Variants in LARGE1 observed in about 807,000 individuals in gnomAD.
The protein encoded by LARGE1 is LARGE xylosyl- and glucuronyltransferase 1, also known as xylosyl- and glucuronyltransferase LARGE1.
Under a neutral mutation model 87.6 loss-of-function variants are expected in LARGE1, and 43 were observed. The observed-to-expected ratio is 0.49, with a 90% CI of 0.38 to 0.63. The LOEUF (loss-of-function observed/expected upper bound fraction) is 0.63. LARGE1 is among the 30% of genes least tolerant of loss of function. The pLI, the probability that LARGE1 is intolerant of heterozygous loss-of-function variation, is 0.00. For synonymous variants in LARGE1, 434 were observed against 394.6 expected, an observed-to-expected ratio of 1.10 and a Z score of -1.18; for missense variants, 802 against 1,000.2, an observed-to-expected ratio of 0.80 and a Z score of 2.67.
chr22:33,887,463 G>A (rs977177720), intron 1 of LARGE1, among the ~76,000 whole-genome samples: 4 of 152,258 alleles, frequency 2.6e-5, no homozygotes, highest in East Asian at 1.9e-4. Context: ...CTGGCCAGGC[G>A]CAGTGGCTCA....
chr22:33,589,009 G>A (rs1028750232), intron 5 of LARGE1, among the ~76,000 whole-genome samples: 6 of 152,230 alleles, frequency 3.9e-5, no homozygotes, highest in African/African-American at 7.2e-5. Flanking sequence ...AGGACTGACA[G>A]GGCCTCAGGC....
intron 4 of LARGE1, among the ~76,000 whole-genome samples, chr22:33,605,813 T>C (rs965380016): frequency 2.6e-5 from 4 of 152,076 alleles, no homozygotes; most frequent in Non-Finnish European, 5.9e-5. Context: ...CGCAGTTAAA[T>C]ATAAGCACGG....
chr22:33,225,097 C>G (rs369958839), intron 11 of LARGE1, among the ~76,000 whole-genome samples: 1 of 152,224 alleles, frequency 6.6e-6, no homozygotes, highest in African/African-American at 2.4e-5. Flanking sequence ...GAGAAAGCCT[C>G]TGCTCAGCAT....
chr22:33,764,314 C>T (rs765603832), intron 1 of LARGE1, among the ~76,000 whole-genome samples: 9 of 152,156 alleles, frequency 5.9e-5, no homozygotes, highest in Non-Finnish European at 1.2e-4. Flanking sequence ...CCCTAGGGAT[C>T]TGTGAGGGCC....
intron 2 of LARGE1, among the ~76,000 whole-genome samples, chr22:33,651,389 C>CAAA (rs59002897): frequency 0.018 from 962 of 53,976 alleles, 72 homozygotes; most frequent in African/African-American, 0.062. Flanking sequence ...GACTCCGTCT[C>CAAA]AAAAAAAAAA....
intron 9 of LARGE1, among the ~76,000 whole-genome samples, chr22:33,349,918 C>A (rs1376875336): frequency 6.6e-6 from 1 of 152,148 alleles, no homozygotes; most frequent in Non-Finnish European, 1.5e-5. Context: ...AGAAAAGAGA[C>A]CCAACTCATT....
At chr22:33,378,374 A>G (rs866522771) in intron 9 of LARGE1, among the ~76,000 whole-genome samples, 11 of 152,168 alleles carry the variant, frequency 7.2e-5, no homozygotes, top group African/African-American at 2.2e-4. Flanking sequence ...GTCTTCTTCT[A>G]CACTCTGAGT....
chr22:33,550,140 T>TACACAC (rs1491548502), intron 6 of LARGE1, among the ~76,000 whole-genome samples: 6 of 96,696 alleles, frequency 6.2e-5, no homozygotes, highest in African/African-American at 1.7e-4. Context: ...GAACTTAAAG[T>TACACAC]ATACACACAC....
At position 33,826,403 on chromosome 22, in the gene LARGE1, C is replaced by T. The variant is rs937202515; in HGVS notation, c.-82-64845G>A. On this transcript the variant is annotated intron_variant, in intron 1 of 14. Transcript: ENST00000397394. ...TGTCGCACAGGCTGGAGCACAATGG[C>T]GCAATCTCGGCTCGCTGCAACCTCC... 4.7e-5 allele frequency among the ~76,000 whole-genome samples: 7 copies of T among 150,012 alleles called. 1 individual carries two copies. Among genetic ancestry groups the T allele is most frequent in the South Asian group, 4.2e-4 (2 of 4,744 alleles).
intron 11 of LARGE1, among the ~76,000 whole-genome samples, chr22:33,172,454 T>A (rs1412047162): frequency 2.0e-5 from 3 of 148,604 alleles, no homozygotes; most frequent in Non-Finnish European, 3.0e-5. Flanking sequence ...CTGCTCACTC[T>A]CTCTCTCTCT....
chr22:33,547,312 G>A (rs1046634029), intron 6 of LARGE1, among the ~76,000 whole-genome samples: 1 of 152,066 alleles, frequency 6.6e-6, no homozygotes, highest in African/African-American at 2.4e-5. Context: ...TTCATAAGGT[G>A]CATGCAACCT....
chr22:33,484,591 T>A (rs955249042), intron 6 of LARGE1, among the ~76,000 whole-genome samples: 9 of 152,178 alleles, frequency 5.9e-5, no homozygotes, highest in Non-Finnish European at 1.3e-4. Flanking sequence ...CTGGCCTCCA[T>A]GACAGAGGTG....
intron 5 of LARGE1, among the ~76,000 whole-genome samples, chr22:33,570,743 G>C (rs933228847): frequency 1.3e-5 from 2 of 150,996 alleles, no homozygotes; most frequent in Non-Finnish European, 3.0e-5. Flanking sequence ...GCACACTTTG[G>C]GTTTGAGGAG....
At chr22:33,666,621 A>G (rs1206154230) in intron 2 of LARGE1, among the ~76,000 whole-genome samples, 1 of 152,202 alleles carries the variant, frequency 6.6e-6, no homozygotes, top group Non-Finnish European at 1.5e-5. Context: ...CTCAGCTGCC[A>G]GGCTCAGGTC....
chr22:33,318,793 A>AT lies in LARGE1; in HGVS notation c.1288-2546dup, dbSNP rs56279757. On this transcript the variant is annotated intron_variant, in intron 10 of 14. Transcript: ENST00000397394. ...CAAAGGTCACAGGAGGGCTGGTTCC[A>AT]TTTTTTTTTTTCTGTTAAATCAGCC... Among the ~76,000 whole-genome samples, 976 of 148,138 alleles carry AT rather than the reference A, an allele frequency of 6.6e-3. 5 individuals are homozygous for AT. Among genetic ancestry groups the AT allele is most frequent in the East Asian group, 0.015 (74 of 5,054 alleles).
chr22:33,316,326 C>T, intron 10 of LARGE1, 78 bp from the exon 11 acceptor site: 1 of 1,440,508 alleles, frequency 6.9e-7, no homozygotes, highest in African/African-American at 1.4e-5. Context: ...TTGAGCCCTG[C>T]CCTCCCCTGA....
intron 11 of LARGE1, chr22:33,305,725 A>T (rs191116997): frequency 8.3e-4 from 260 of 313,384 alleles, no homozygotes; most frequent in African/African-American, 5.5e-3. Context: ...CACTGCCCAG[A>T]TTTGCTTCCT....
intron 10 of LARGE1, among the ~76,000 whole-genome samples, chr22:33,325,917 G>A (rs1937201196): frequency 6.6e-6 from 1 of 152,210 alleles, no homozygotes. Flanking sequence ...AGGGCCCAAG[G>A]TGCTCAGAGA....
At chr22:33,590,254 T>C (rs1407970956) in intron 5 of LARGE1, among the ~76,000 whole-genome samples, 3 of 152,242 alleles carry the variant, frequency 2.0e-5, no homozygotes, top group African/African-American at 7.2e-5. Flanking sequence ...TATATTTTAT[T>C]GTATTTGATT....
Sources: gnomAD v4.1 joint callset for allele counts (sites outside exome capture counted in the v4.1 genomes callset) on GRCh38, gnomAD v4.1.1 for gene constraint, MANE v1.5 for transcripts, NCBI Gene and HGNC (gene_info 2026-07-23, HGNC 2026-07-21) for gene names.